FBLN1: variants seen among roughly 807,000 people sequenced by gnomAD.
FBLN1 encodes the protein fibulin 1.
In FBLN1, 34 loss-of-function variants were observed where a neutral mutation model predicts 89.7. The ratio of observed to expected loss-of-function variants is 0.38; its 90% confidence interval spans 0.29 to 0.50. FBLN1 has a LOEUF of 0.50. Among genes scored for constraint, FBLN1 ranks in the 20% least tolerant of loss-of-function variants. The probability of loss-of-function intolerance (pLI) is 0.92; values close to 1 mark genes in which losing one functional copy is unlikely to be tolerated. For missense variants in FBLN1, 777 were observed against 988.1 expected, an observed-to-expected ratio of 0.79 and a Z score of 2.86; for synonymous variants, 393 against 391.3, an observed-to-expected ratio of 1.00 and a Z score of -0.05.
rs1601549860 is a variant in FBLN1 at position 45,597,518 on chromosome 22, A to G, written c.1973-2789A>G. On this transcript the variant is annotated intron_variant, in intron 16 of 16. Transcript: ENST00000327858. This position sits in a 1 kb window ranked among gnomAD's most constrained non-coding sequence, Gnocchi z 4.2. The stretch of plus-strand genomic sequence containing the variant: ...TGTTGGCCTCGGGCCTGGGGAGAGA[A>G]AAATATGACATACAGGGGGCCCACG... Among the ~76,000 whole-genome samples, 1 of 152,122 alleles carries G rather than the reference A, an allele frequency of 6.6e-6. No individual in the cohort carries two copies. Among genetic ancestry groups the G allele is most frequent in the African/African-American group, 2.4e-5 (1 of 41,428 alleles).
In FBLN1 at chr22:45,571,085, C is replaced by A. The variant is rs576727354; in HGVS notation, c.1698-3426C>A. Among the ~76,000 whole-genome samples the A allele has an allele frequency of 9.5e-4, 113 of 119,410 alleles. 1 individual carries two copies. The highest frequency in any genetic ancestry group is 3.5e-3 in the African/African-American group (111 of 31,714). 78.3% of individuals were successfully genotyped at this position (119,410 alleles called of 152,430 possible). ...GCAGGGAGCCGAGATCATGCCACTG[C>A]ATTCCAGCCTGGGAAACAAGAGTCT... On this transcript the variant is annotated intron_variant, in intron 14 of 16. Transcript: ENST00000327858.
intron 16 of FBLN1, among the ~76,000 whole-genome samples, chr22:45,599,273 C>G (rs907288756): frequency 1.3e-5 from 2 of 152,224 alleles, no homozygotes; most frequent in African/African-American, 4.8e-5. Flanking sequence ...CCTGCACCAC[C>G]CATCCTCCTT....
At chr22:45,541,445 A>C in intron 9 of FBLN1, 73 bp downstream of exon 9, 1 of 1,587,756 alleles carries the variant, frequency 6.3e-7, no homozygotes, top group Non-Finnish European at 8.6e-7. Context: ...CTTCTCTGGA[A>C]GCAGAAAGTT....
intron 14 of FBLN1, among the ~76,000 whole-genome samples, chr22:45,554,259 G>A (rs1039837936): frequency 2.0e-5 from 3 of 152,198 alleles, no homozygotes; most frequent in African/African-American, 7.2e-5. Flanking sequence ...CACAGCTCAT[G>A]GGTCCCATGC....
At chr22:45,586,274 G>A (rs2089084767) in intron 16 of FBLN1, among the ~76,000 whole-genome samples, 2 of 152,216 alleles carry the variant, frequency 1.3e-5, no homozygotes, top group African/African-American at 4.8e-5. Context: ...TGGCTAGGAA[G>A]GGTCGGCGGG....
rs2088569073 is a variant in FBLN1 at position 45,542,374 on chromosome 22, C to T, written c.1195+91C>T. On this transcript the variant is annotated intron_variant, in intron 10 of 16. Coordinates refer to ENST00000327858, the MANE Select transcript of FBLN1 (RefSeq NM_006486.3). ...GGCACCTCGAGTGATGTGGTCTGAT[C>T]CTCATCTCAGATAATCCCAAGTGCA... is the stretch of plus-strand genomic sequence containing the variant. 7.9e-6 allele frequency: 12 copies of T among 1,527,780 alleles called. No homozygotes were observed. The Middle Eastern group carries it at 1.7e-3, about 214-fold the overall frequency. The allele number at this position is 1,527,780 out of a possible 1,614,324, so 94.6% of individuals were successfully genotyped here. A position where few individuals can be genotyped will look rare whatever the true frequency, so the allele number is the denominator to read the frequency against.
chr22:45,535,715 A>G (rs1049030213), intron 8 of FBLN1: 5 of 232,884 alleles, frequency 2.1e-5, no homozygotes, highest in African/African-American at 9.2e-5. Context: ...GTGACCCAAG[A>G]AAATTACTTC....
At chr22:45,548,797 A>G (rs1056545316) in intron 13 of FBLN1, 53 bp downstream of exon 13, 1 of 1,606,300 alleles carries the variant, frequency 6.2e-7, no homozygotes, top group Non-Finnish European at 8.5e-7. Context: ...GGGCCCTGCA[A>G]TGTCGTGGGG....
chr22:45,539,105 T>C (rs136749), intron 8 of FBLN1, among the ~76,000 whole-genome samples: 88,009 of 95,754 alleles, frequency 0.92, 40,445 homozygotes, highest in African/African-American at 0.98. Flanking sequence ...CCCCCTCCCT[T>C]CTCCTCTTCC....
chr22:45,518,442 A>C, intron 1 of FBLN1: 1 of 579,880 alleles, frequency 1.7e-6, no homozygotes, highest in African/African-American at 1.8e-5. Context: ...AGCCCTGTCC[A>C]AGCTGGATTC....
chr22:45,600,371 C>A lies in FBLN1; in HGVS notation c.2037C>A (p.Asn679Lys). ...ATGCCGTCCTGAAGCTGGAGATGAA[C>A]TATGTGGTCGGGGGCGTGGTCTCCC... The part of the protein sequence containing the change: ...PFHAVLKLEM[N>K]YVVGGVVSHR... The change falls in exon 17 of 17, where the codon AAC becomes AAA. Residue 679 changes from asparagine (N) to lysine (K), a missense_variant. Coordinates refer to ENST00000327858, the MANE Select transcript of FBLN1 (RefSeq NM_006486.3). 5.0e-6 allele frequency: 8 copies of A among 1,614,202 alleles called. No homozygotes were observed. The highest frequency in any genetic ancestry group is 6.8e-6 in the Non-Finnish European group (8 of 1,180,014).
At position 45,552,441 on chromosome 22, in the gene FBLN1, AC is replaced by A. The variant is rs145554469; in HGVS notation, c.1697+1831del. ...CCGGGACTGATAGTGAGGAGGGGCC[AC>A]CCCCTCTCAGCACTGCTAACCCCTC... On this transcript the variant is annotated intron_variant, in intron 14 of 16. Coordinates refer to ENST00000327858, the MANE Select transcript of FBLN1 (RefSeq NM_006486.3). 8.6e-3 allele frequency among the ~76,000 whole-genome samples: 1,308 copies of A among 152,150 alleles called. 9 individuals carry two copies. The highest frequency in any genetic ancestry group is 0.013 in the Non-Finnish European group (897 of 67,988).
Position 45,530,577 on chromosome 22 carries a change from G to C in FBLN1, c.485-688G>C, listed in dbSNP as rs1193733418. ...CCTTTTCAAACACATAATAGCATTTGATAGAATCAATCAGGAGACTCAAGT... is the reference window on the plus strand; with the variant it reads ...CCTTTTCAAACACATAATAGCATTTCATAGAATCAATCAGGAGACTCAAGT... On this transcript the variant is annotated intron_variant, in intron 4 of 16. Coordinates refer to ENST00000327858, the MANE Select transcript of FBLN1 (RefSeq NM_006486.3). This position sits in a 1 kb window ranked among gnomAD's most constrained non-coding sequence, Gnocchi z 5.4. Among the ~76,000 whole-genome samples the C allele has an allele frequency of 6.6e-6, 1 of 152,146 alleles. No individual in the cohort carries two copies. Among genetic ancestry groups the C allele is most frequent in the South Asian group, 2.1e-4 (1 of 4,830 alleles).
chr22:45,589,916 C>G (rs2089121806), intron 16 of FBLN1, among the ~76,000 whole-genome samples: 1 of 152,220 alleles, frequency 6.6e-6, no homozygotes, highest in African/African-American at 2.4e-5. Context: ...GTTGGGGAAG[C>G]TTCCATGACA....
intron 12 of FBLN1, among the ~76,000 whole-genome samples, chr22:45,547,982 C>A (rs185542884): frequency 3.3e-5 from 5 of 152,126 alleles, no homozygotes; most frequent in Admixed American, 3.3e-4. Context: ...AACTAGATGA[C>A]AGCAATTACA....
intron 14 of FBLN1, among the ~76,000 whole-genome samples, chr22:45,555,890 T>G (rs943719358): frequency 6.6e-6 from 1 of 152,240 alleles, no homozygotes; most frequent in Non-Finnish European, 1.5e-5. Context: ...TAAATGCTGA[T>G]GTGAATTCAA....
At chr22:45,504,552 G>C (rs1362932313) in intron 1 of FBLN1, among the ~76,000 whole-genome samples, 1 of 152,142 alleles carries the variant, frequency 6.6e-6, no homozygotes, top group Non-Finnish European at 1.5e-5. Flanking sequence ...TGGGACATCC[G>C]AGACTCCTGT....
At chr22:45,553,693 C>G (rs764615498) in intron 14 of FBLN1, among the ~76,000 whole-genome samples, 3 of 152,196 alleles carry the variant, frequency 2.0e-5, no homozygotes, top group Non-Finnish European at 2.9e-5. Flanking sequence ...CCCAGAAACT[C>G]CTAGTGTAGA....
intron 14 of FBLN1, among the ~76,000 whole-genome samples, chr22:45,569,498 G>A (rs188504279): frequency 1.3e-5 from 2 of 152,276 alleles, no homozygotes; most frequent in Admixed American, 6.5e-5. Context: ...AATTAGCCGG[G>A]TGTGGTGGCA....
Sources: allele counts gnomAD v4.1 joint callset (sites outside exome capture counted in the v4.1 genomes callset), GRCh38; gene constraint gnomAD v4.1.1; non-coding constraint Gnocchi (gnomAD v3.1); transcripts MANE v1.5; gene names NCBI Gene and HGNC (gene_info 2026-07-23, HGNC 2026-07-21).